The following KIF20B variants were observed in gnomAD, a reference collection of about 807,000 sequenced individuals.
KIF20B encodes kinesin-like protein KIF20B.
A neutral mutation model predicts 232.5 loss-of-function variants in KIF20B; 188 were observed. The ratio of observed to expected loss-of-function variants is 0.81; its 90% CI spans 0.72 to 0.91. The LOEUF (loss-of-function observed/expected upper bound fraction) is 0.91. Among genes scored for constraint, KIF20B ranks in the 40% least tolerant of loss-of-function variants. KIF20B has a pLI of 0.00. For missense variants in KIF20B, 2,154 were observed against 2,055.9 expected (o/e 1.05, Z -0.92); for synonymous variants, 712 against 683.0 (o/e 1.04, Z -0.66).
chr10:89,730,526 TTAAAGGGTG>T (rs1843296098), intron 18 of KIF20B, among the ~76,000 whole-genome samples: 1 of 152,132 alleles, frequency 6.6e-6, no homozygotes, highest in African/African-American at 2.4e-5. Context: ...AAGTTGAGCC[TTAAAGGGTG>T]AGTAAAATTT....
At chr10:89,769,565 C>A (rs557371734) in intron 31 of KIF20B, among the ~76,000 whole-genome samples, 2 of 151,728 alleles carry the variant, frequency 1.3e-5, no homozygotes, top group African/African-American at 4.8e-5. Context: ...ATGTCAAAAA[C>A]ACATTATTTT....
intron 17 of KIF20B, among the ~76,000 whole-genome samples, chr10:89,728,263 C>T (rs1843232214): frequency 6.6e-6 from 1 of 152,062 alleles, no homozygotes; most frequent in Non-Finnish European, 1.5e-5. Flanking sequence ...AAATAGTAGA[C>T]ACTAGTTGTA....
At chr10:89,741,907 A>G (rs1841802514) in intron 21 of KIF20B, among the ~76,000 whole-genome samples, 1 of 152,190 alleles carries the variant, frequency 6.6e-6, no homozygotes, top group Non-Finnish European at 1.5e-5. Context: ...GGTATCAGGG[A>G]CAGTGTTTGT....
Position 89,732,977 on chromosome 10 carries a change from C to T in KIF20B, c.2466C>T (p.Asp822=), listed in dbSNP as rs749052630. The T allele has an allele frequency of 1.2e-6, 2 of 1,612,812 alleles. No individual in the cohort carries two copies. The highest frequency in any genetic ancestry group is 2.2e-5 in the South Asian group (2 of 91,024). ...ATGAAACAGTTGAAGTACCTAAGGACAGCAAATCTAAAATCTGTTCAGAAA... is the reference window on the plus strand; with the variant it reads ...ATGAAACAGTTGAAGTACCTAAGGATAGCAAATCTAAAATCTGTTCAGAAA... ...ICNETVEVPK[D]SKSKICSERK... is the part of the protein sequence containing the mutation. The change falls in exon 19 of 33, where the codon GAC becomes GAT. Residue 822 remains aspartate (D), a synonymous_variant. Transcript: ENST00000371728.
chr10:89,754,466 A>G, intron 25 of KIF20B, 52 bp from the exon 26 acceptor site: 2 of 1,210,212 alleles, frequency 1.7e-6, no homozygotes, highest in South Asian at 4.5e-5. Flanking sequence ...AGAAACATGT[A>G]TTGACTACTT....
chr10:89,765,356 C>T (rs918064651), intron 29 of KIF20B, among the ~76,000 whole-genome samples: 1 of 152,108 alleles, frequency 6.6e-6, no homozygotes, highest in Non-Finnish European at 1.5e-5. Context: ...TCAAGAAGAA[C>T]TACAAACCAC....
At position 89,737,769 on chromosome 10, in the gene KIF20B, A is replaced by G. The variant is rs1245652366; in HGVS notation, c.2928A>G (p.Thr976=). 6.2e-7 allele frequency: 1 copy of G among 1,610,698 alleles called. No homozygotes were observed. Among genetic ancestry groups the G allele is most frequent in the South Asian group, 1.1e-5 (1 of 90,846 alleles). ...NEIETATRSI[T]NNVSQIKLMH... is the part of the protein sequence containing the mutation. ...TAGAAACTGCTACAAGAAGCATTAC[A>G]AATAATGTTTCACAAATAAAATTAA... The change falls in exon 20 of 33, where the codon ACA becomes ACG. Residue 976 remains threonine, a synonymous_variant. Transcript: ENST00000371728.
intron 29 of KIF20B, among the ~76,000 whole-genome samples, chr10:89,763,349 C>T (rs1202541473): frequency 2.0e-5 from 3 of 152,084 alleles, no homozygotes; most frequent in Non-Finnish European, 2.9e-5. Flanking sequence ...AAAGATATAG[C>T]GTCCTTGCTT....
intron 29 of KIF20B, among the ~76,000 whole-genome samples, chr10:89,764,692 T>G (rs1842318301): frequency 6.6e-6 from 1 of 151,806 alleles, no homozygotes; most frequent in South Asian, 2.1e-4. Context: ...CATAAATGTC[T>G]TCTTTTGAGA....
chr10:89,749,285 T>C (rs893223460), intron 23 of KIF20B, among the ~76,000 whole-genome samples: 3 of 152,230 alleles, frequency 2.0e-5, no homozygotes, highest in Admixed American at 6.5e-5. Flanking sequence ...TCTTTAACTC[T>C]TAAGGCTTTC....
At chr10:89,747,546 C>T (rs1214927758) in intron 23 of KIF20B, among the ~76,000 whole-genome samples, 2 of 149,906 alleles carry the variant, frequency 1.3e-5, no homozygotes, top group Non-Finnish European at 3.0e-5. Context: ...CCATGGAATA[C>T]TACACAGCCA....
intron 21 of KIF20B, among the ~76,000 whole-genome samples, chr10:89,741,971 A>G (rs899249210): frequency 6.6e-6 from 1 of 152,180 alleles, no homozygotes; most frequent in African/African-American, 2.4e-5. Context: ...AAAAGTAGTG[A>G]TGCTGGCAAT....
intron 20 of KIF20B, 77 bp downstream of exon 20, chr10:89,738,694 T>G (rs1841725684): frequency 6.9e-7 from 1 of 1,443,802 alleles, no homozygotes; most frequent in Non-Finnish European, 9.1e-7. Context: ...AAAAGTTAGA[T>G]AGTCATACTT....
intron 31 of KIF20B, among the ~76,000 whole-genome samples, chr10:89,771,753 G>A (rs1356030427): frequency 6.6e-6 from 1 of 151,958 alleles, no homozygotes; most frequent in Non-Finnish European, 1.5e-5. Context: ...ATAAAACTGC[G>A]AGAGCCTTTT....
rs1842826845 is a variant in KIF20B at position 89,710,998 on chromosome 10, G to C, written c.528G>C (p.Leu176Phe). Reference protein sequence around the residue: ...EENIGILPRTLNVLFDSLQER... With the variant: ...EENIGILPRTFNVLFDSLQER... ...ATATTGGCATTCTGCCTCGAACTTTGAATGTATTATTTGATAGTCTTCAAG... is the reference window on the plus strand; with the variant it reads ...ATATTGGCATTCTGCCTCGAACTTTCAATGTATTATTTGATAGTCTTCAAG... Residue 176 changes from leucine to phenylalanine, a missense_variant, in exon 6 of 33, where the codon TTG (leucine) becomes TTC (phenylalanine). Coordinates refer to ENST00000371728, the MANE Select transcript of KIF20B (RefSeq NM_001284259.2). 1 of 1,606,784 alleles carries C rather than the reference G, an allele frequency of 6.2e-7. No individual in the cohort carries two copies. Among genetic ancestry groups the C allele is most frequent in the Non-Finnish European group, 8.5e-7 (1 of 1,177,936 alleles).
rs113995924 is a variant in KIF20B, at chr10:89,719,777, T to G, written c.1722+71T>G. 752 of 1,285,042 alleles carry G rather than the reference T, an allele frequency of 5.9e-4. 6 individuals carry two copies. The African/African-American group carries it at 1.0e-2, about 17-fold the overall frequency. 79.6% of individuals were successfully genotyped at this position (1,285,042 alleles called of 1,614,324 possible). The stretch of plus-strand genomic sequence containing the variant: ...AAGTTAAGGTTAAATCTTAAGGCTC[T>G]CTCTCTTCAGTTTTTTTCAACAGTA... On this transcript the variant is annotated intron_variant, in intron 13 of 32. Coordinates refer to ENST00000371728, the MANE Select transcript of KIF20B (RefSeq NM_001284259.2).
In KIF20B at chr10:89,755,674, G is replaced by A. The variant is rs557088660; in HGVS notation, c.4503+1001G>A. 5.3e-5 allele frequency among the ~76,000 whole-genome samples: 8 copies of A among 151,756 alleles called. No individual in the cohort carries two copies. In the South Asian group the frequency reaches 8.3e-4, roughly 16 times the overall value. ...AGTGGTGCAGTCATGGCTCACTGCC[G>A]CCTCAGACTTCAGGGCAAAAGCAAT... On this transcript the variant is annotated intron_variant, in intron 26 of 32. Coordinates refer to ENST00000371728, the MANE Select transcript of KIF20B (RefSeq NM_001284259.2).
intron 25 of KIF20B, among the ~76,000 whole-genome samples, chr10:89,753,874 T>C (rs959234142): frequency 6.6e-6 from 1 of 152,120 alleles, no homozygotes; most frequent in Non-Finnish European, 1.5e-5. Flanking sequence ...CACCTTGGCC[T>C]CCCAAACTGC....
chr10:89,728,035 T>G (rs1843228253), intron 17 of KIF20B, 139 bp downstream of exon 17: 5 of 665,986 alleles, frequency 7.5e-6, no homozygotes, highest in Non-Finnish European at 1.1e-5. Context: ...TTGGTTTTAT[T>G]CTGTTATTTT....
Sources: allele counts gnomAD v4.1 joint callset (sites outside exome capture counted in the v4.1 genomes callset), GRCh38; gene constraint gnomAD v4.1.1; transcripts MANE v1.5; gene names NCBI Gene and HGNC (gene_info 2026-07-23, HGNC 2026-07-21).